The following SLC23A2 variants were observed in gnomAD, a reference collection of about 807,000 sequenced individuals.
The protein encoded by SLC23A2 is Na(+)/L-ascorbic acid transporter 2.
In SLC23A2, 36 loss-of-function variants were observed where a neutral mutation model predicts 73.3. That is an observed-to-expected ratio of 0.49 (90% CI 0.38 to 0.65). SLC23A2 has a LOEUF of 0.65. Ranked by LOEUF, SLC23A2 falls within the 30% of genes least tolerant of loss-of-function variation. The pLI is 0.00. For missense variants in SLC23A2, 507 were observed against 841.6 expected (o/e 0.60, Z 4.92); for synonymous variants, 343 against 327.3 (o/e 1.05, Z -0.52).
chr20:4,988,841 G>A (rs1482461923), intron 1 of SLC23A2, among the ~76,000 whole-genome samples: 2 of 152,090 alleles, frequency 1.3e-5, no homozygotes, highest in African/African-American at 2.4e-5. Flanking sequence ...GAACCTGGAG[G>A]TGGAAGTTGC....
At chr20:4,973,490 C>T (rs917247362) in intron 1 of SLC23A2, among the ~76,000 whole-genome samples, 7 of 152,110 alleles carry the variant, frequency 4.6e-5, no homozygotes, top group African/African-American at 1.4e-4. Context: ...AGAACAAGTA[C>T]TGAGACCAAA....
intron 9 of SLC23A2, among the ~76,000 whole-genome samples, chr20:4,879,492 A>T (rs1002151137): frequency 3.4e-4 from 51 of 151,924 alleles, no homozygotes; most frequent in African/African-American, 9.9e-4. Context: ...TTTTAAAAAT[A>T]AAATTCAGGG....
chr20:4,923,227 C>T (rs1286626362), intron 3 of SLC23A2, among the ~76,000 whole-genome samples: 2 of 128,586 alleles, frequency 1.6e-5, no homozygotes, highest in Non-Finnish European at 3.1e-5. Flanking sequence ...GGCAATGTAG[C>T]GAGACCCCAT....
chr20:4,938,315 T>G (rs1419844535), intron 2 of SLC23A2, among the ~76,000 whole-genome samples: 1 of 150,364 alleles, frequency 6.7e-6, no homozygotes, highest in Non-Finnish European at 1.5e-5. Context: ...ACTGCACCTG[T>G]AATCCAGACT....
At chr20:4,861,806 T>G in intron 15 of SLC23A2, 142 bp downstream of exon 15, 1 of 813,530 alleles carries the variant, frequency 1.2e-6, no homozygotes, top group Non-Finnish European at 2.0e-6. Context: ...TATTGAAAAG[T>G]GAGATTCAAG....
intron 3 of SLC23A2, 62 bp from the exon 4 acceptor site, chr20:4,913,040 G>T: frequency 9.1e-7 from 1 of 1,099,492 alleles, no homozygotes. Flanking sequence ...CCCCCCGAAA[G>T]CCATTTGTAA....
At chr20:4,996,970 C>A (rs1374167841) in intron 1 of SLC23A2, among the ~76,000 whole-genome samples, 1 of 152,102 alleles carries the variant, frequency 6.6e-6, no homozygotes, top group Non-Finnish European at 1.5e-5. Context: ...GGGTTGGCAT[C>A]ACAACTTAAC....
chr20:4,882,518 A>G (rs1465558252), intron 9 of SLC23A2, among the ~76,000 whole-genome samples: 1 of 152,102 alleles, frequency 6.6e-6, no homozygotes, highest in Non-Finnish European at 1.5e-5. Flanking sequence ...GTAGATAACA[A>G]TTCTGCTATG....
intron 11 of SLC23A2, among the ~76,000 whole-genome samples, chr20:4,871,484 G>A (rs762791105): frequency 1.3e-5 from 2 of 152,200 alleles, no homozygotes; most frequent in Non-Finnish European, 2.9e-5. Context: ...CAGGAGGCAA[G>A]TTCTGGAAGT....
chr20:4,867,231 C>T (rs1048448085), intron 13 of SLC23A2, among the ~76,000 whole-genome samples: 17 of 152,124 alleles, frequency 1.1e-4, no homozygotes, highest in Non-Finnish European at 2.4e-4. Flanking sequence ...TCCTTGCTGA[C>T]CTTCCACTTC....
intron 1 of SLC23A2, among the ~76,000 whole-genome samples, chr20:4,993,410 GAAAA>G (rs3055956): frequency 5.8e-5 from 7 of 121,532 alleles, no homozygotes; most frequent in African/African-American, 2.1e-4. Flanking sequence ...GCCAAAATCC[GAAAA>G]AAAAAAAAGA....
At chr20:4,995,940 C>G (rs1375888777) in intron 1 of SLC23A2, among the ~76,000 whole-genome samples, 1 of 152,144 alleles carries the variant, frequency 6.6e-6, no homozygotes, top group Non-Finnish European at 1.5e-5. Context: ...CTTAGAAACC[C>G]TGAGTTTCAG....
intron 6 of SLC23A2, among the ~76,000 whole-genome samples, chr20:4,886,840 C>A (rs936090354): frequency 2.6e-5 from 4 of 152,162 alleles, no homozygotes; most frequent in Non-Finnish European, 5.9e-5. Flanking sequence ...CCCCAGAGAG[C>A]CTAGTCAGTG....
At chr20:4,892,798 AGAT>A in intron 6 of SLC23A2, among the ~76,000 whole-genome samples, 1 of 152,160 alleles carries the variant, frequency 6.6e-6, no homozygotes, top group Non-Finnish European at 1.5e-5. Context: ...CTTTTTAAAA[AGAT>A]GATGACGTGG....
chr20:4,870,868 T>G (rs755814762), intron 11 of SLC23A2, among the ~76,000 whole-genome samples: 7 of 152,240 alleles, frequency 4.6e-5, no homozygotes, highest in Admixed American at 2.6e-4. Context: ...CCTTCTCTAC[T>G]ATAATACCAG....
At chr20:4,873,822 T>C (rs1930547053) in intron 11 of SLC23A2, 114 bp downstream of exon 11, 3 of 1,056,188 alleles carry the variant, frequency 2.8e-6, no homozygotes, top group Admixed American at 2.4e-5. Context: ...CTGACCAGAA[T>C]GGCAAGGCCT....
chr20:4,983,028 C>T (rs886506292), intron 1 of SLC23A2, among the ~76,000 whole-genome samples: 2 of 151,714 alleles, frequency 1.3e-5, no homozygotes, highest in Non-Finnish European at 2.9e-5. Flanking sequence ...TCGCTTGAAC[C>T]CAGGAGGCAG....
chr20:4,900,301 T>A (rs929580738), intron 5 of SLC23A2, among the ~76,000 whole-genome samples: 2 of 152,256 alleles, frequency 1.3e-5, no homozygotes, highest in Non-Finnish European at 2.9e-5. Context: ...CTTATGTAAT[T>A]CTTATTAGAA....
intron 1 of SLC23A2, among the ~76,000 whole-genome samples, chr20:4,978,442 G>T (rs1410789180): frequency 1.3e-5 from 2 of 152,180 alleles, no homozygotes; most frequent in Non-Finnish European, 2.9e-5. Context: ...TCAGAATTGT[G>T]AACTCAAAAC....
Sources: allele counts gnomAD v4.1 joint callset (sites outside exome capture counted in the v4.1 genomes callset), GRCh38; gene constraint gnomAD v4.1.1; transcripts MANE v1.5; gene names NCBI Gene and HGNC (gene_info 2026-07-23, HGNC 2026-07-21).